The following CD302 variants were observed in gnomAD, a reference collection of about 807,000 sequenced individuals.
CD302 encodes CD302 molecule, also known as CD302 antigen.
Under a neutral mutation model 26.5 loss-of-function variants are expected in CD302, and 23 were observed. That is an observed-to-expected ratio of 0.87 (90% confidence interval 0.62 to 1.23). The LOEUF (loss-of-function observed/expected upper bound fraction) is 1.23. Among genes scored for constraint, CD302 ranks in the 50% most tolerant of loss-of-function variants. CD302 has a pLI of 0.00. For missense variants in CD302, 290 were observed against 275.5 expected (o/e 1.05, Z -0.37); for synonymous variants, 90 against 99.4 (o/e 0.91, Z 0.56).
rs770475540 is a variant in CD302, at chr2:159,783,492, CTG to C, written c.68-25_68-24del. On this transcript the variant is annotated intron_variant, in intron 1 of 5. Coordinates refer to ENST00000259053, the MANE Select transcript of CD302 (RefSeq NM_014880.5). The stretch of plus-strand genomic sequence containing the variant: ...AGTCTATGTAGAAAAAAGAAGAACA[CTG>C]TTAAATAACTTGAGAAAAAGAATTA... 9.4e-5 allele frequency: 144 copies of C among 1,539,876 alleles called. 1 individual carries two copies. The South Asian group carries it at 1.7e-3, about 18-fold the overall frequency.
Position 159,783,445 on chromosome 2 carries a change from T to C in CD302, c.92A>G (p.Gln31Arg). 1 of 1,609,940 alleles carries C rather than the reference T, an allele frequency of 6.2e-7. No homozygotes were observed. The highest frequency in any genetic ancestry group is 8.5e-7 in the Non-Finnish European group (1 of 1,178,962). The change falls in exon 2 of 6, where the codon CAG becomes CGG. Residue 31 changes from glutamine to arginine, a missense_variant. By Grantham distance (43) the Gln-to-Arg change is conservative (BLOSUM62 1). Transcript: ENST00000259053. ...AAAAATGTAACAACTGTCTTGGAAC[T>C]GAATCCAAGTAGATGAAGGACAGTC... is the stretch of plus-strand genomic sequence containing the variant. ...VADCPSSTWIQFQDSCYIFLQ... is the reference protein window; with the variant it reads ...VADCPSSTWIRFQDSCYIFLQ...
At chr2:159,786,377 A>G (rs920521507) in intron 1 of CD302, among the ~76,000 whole-genome samples, 1 of 136,704 alleles carries the variant, frequency 7.3e-6, no homozygotes, top group Non-Finnish European at 1.5e-5. Context: ...TCTGTCGCCC[A>G]GGCTGGAGGG....
chr2:159,786,709 A>C (rs1353989270), intron 1 of CD302, among the ~76,000 whole-genome samples: 1 of 152,188 alleles, frequency 6.6e-6, no homozygotes, highest in Admixed American at 6.5e-5. Context: ...ACACTTTTTA[A>C]AAACTAAACT....
intron 5 of CD302, among the ~76,000 whole-genome samples, chr2:159,776,610 A>G (rs1208937791): frequency 6.6e-6 from 1 of 152,082 alleles, no homozygotes; most frequent in Non-Finnish European, 1.5e-5. Context: ...CTGTATACAC[A>G]CAAACCCAAC....
intron 1 of CD302, among the ~76,000 whole-genome samples, chr2:159,792,489 TCA>T (rs1420282244): frequency 6.9e-6 from 1 of 144,608 alleles, no homozygotes. Flanking sequence ...GGGAAAGAAG[TCA>T]CATGGATATT....
intron 1 of CD302, among the ~76,000 whole-genome samples, chr2:159,788,851 T>C (rs1708734419): frequency 6.6e-6 from 1 of 152,216 alleles, no homozygotes; most frequent in South Asian, 2.1e-4. Flanking sequence ...CCATTCTCTC[T>C]CTCTTCCCTT....
chr2:159,780,635 A>G (rs913078693), intron 3 of CD302, among the ~76,000 whole-genome samples: 1 of 152,194 alleles, frequency 6.6e-6, no homozygotes, highest in Non-Finnish European at 1.5e-5. Context: ...ATCATGCTAT[A>G]TTACAAAAAT....
chr2:159,795,050 C>G (rs1049511036), intron 1 of CD302, among the ~76,000 whole-genome samples: 44 of 150,790 alleles, frequency 2.9e-4, no homozygotes, highest in Non-Finnish European at 5.6e-4. Context: ...TGGTGAAACC[C>G]CATCTCTACT....
At position 159,771,957 on chromosome 2, in the gene CD302, TCAGAATGTTTTTTGTA is replaced by T; in HGVS notation, c.577_592del (p.Tyr193IlefsTer23). ...TGAAAAAACTGTGGTGAAACGAGAA[TCAGAATGTTTTTTGTA>T]CAGGAACCAAATGATTGCTCCCAAA... On this transcript the variant is annotated frameshift_variant, in exon 6 of 6. Coordinates refer to ENST00000259053, the MANE Select transcript of CD302 (RefSeq NM_014880.5). LOFTEE classifies it high-confidence loss of function. The T allele has an allele frequency of 6.2e-7, 1 of 1,613,980 alleles. No homozygotes were observed. The highest frequency in any genetic ancestry group is 1.1e-5 in the South Asian group (1 of 91,070).
intron 1 of CD302, among the ~76,000 whole-genome samples, chr2:159,795,183 A>ATT (rs1260780656): frequency 6.6e-6 from 1 of 151,268 alleles, no homozygotes; most frequent in Non-Finnish European, 1.5e-5. Flanking sequence ...AGATTGCGCC[A>ATT]CCGCACTCCA....
chr2:159,780,073 T>C lies in CD302; in HGVS notation c.401A>G (p.Lys134Arg). Residue 134 changes from lysine (K) to arginine (R), a missense_variant, in exon 4 of 6, where the codon AAG becomes AGG. Transcript: ENST00000259053. Reference sequence around the variant, plus strand: ...ATTTCCTTTTTTCCATTCACCTGTCTTGATGTGCAGAAAAGCACAGGTGTC... The same window carrying C: ...ATTTCCTTTTTTCCATTCACCTGTCCTGATGTGCAGAAAAGCACAGGTGTC... ...LVDTCAFLHI[K>R]TGEWKKGNCE... The C allele has an allele frequency of 6.2e-7, 1 of 1,614,196 alleles. No individual in the cohort carries two copies. The highest frequency in any genetic ancestry group is 8.5e-7 in the Non-Finnish European group (1 of 1,180,030).
At chr2:159,777,647 A>G (rs2125796990) in intron 5 of CD302, among the ~76,000 whole-genome samples, 1 of 152,336 alleles carries the variant, frequency 6.6e-6, no homozygotes, top group Admixed American at 6.5e-5. Context: ...ACAATATATG[A>G]TATATTTATA....
chr2:159,782,716 C>T (rs1049517586), intron 2 of CD302, among the ~76,000 whole-genome samples: 5 of 150,726 alleles, frequency 3.3e-5, no homozygotes, highest in East Asian at 1.9e-4. Context: ...CACAGCAAGA[C>T]CCTGTCTCAA....
In CD302 at chr2:159,780,961, A is replaced by C. The variant is rs1460035079; in HGVS notation, c.216T>G (p.Asn72Lys). The change falls in exon 3 of 6, where the codon AAT (asparagine) becomes AAG (lysine). Residue 72 changes from asparagine (N) to lysine (K), a missense_variant. Physicochemically the swap from Asn to Lys is moderately conservative, Grantham distance 94. Coordinates refer to ENST00000259053, the MANE Select transcript of CD302 (RefSeq NM_014880.5). Reference protein sequence around the residue: ...DMISIHNEEENAFILDTLKKQ... With the variant: ...DMISIHNEEEKAFILDTLKKQ... The stretch of plus-strand genomic sequence containing the variant: ...TTTTCAAAGTATCCAGTATAAAAGC[A>C]TTTTCTTCTTCATTATGTATGCTTA... The C allele has an allele frequency of 6.2e-7, 1 of 1,613,388 alleles. No homozygotes were observed. Among genetic ancestry groups the C allele is most frequent in the Admixed American group, 1.7e-5 (1 of 59,878 alleles).
Position 159,780,910 on chromosome 2 carries a change from G to T in CD302, c.267C>A (p.Ile89=), listed in dbSNP as rs1708486176. ...LKKQWKGPDD[I]LLGMFYDTDD... ...CTGTGTCATAAAACATGCCTAGTAGGATATCATCTGGGCCTTTCCATTGCT... is the reference window on the plus strand; with the variant it reads ...CTGTGTCATAAAACATGCCTAGTAGTATATCATCTGGGCCTTTCCATTGCT... Residue 89 remains isoleucine (I), a synonymous_variant, in exon 3 of 6, where the codon ATC becomes ATA. Transcript: ENST00000259053. The T allele has an allele frequency of 6.2e-7, 1 of 1,613,372 alleles. No individual in the cohort carries two copies. Among genetic ancestry groups the T allele is most frequent in the East Asian group, 2.2e-5 (1 of 44,830 alleles).
At chr2:159,785,882 G>A (rs1708652233) in intron 1 of CD302, among the ~76,000 whole-genome samples, 1 of 152,024 alleles carries the variant, frequency 6.6e-6, no homozygotes, top group Non-Finnish European at 1.5e-5. Context: ...GCAGGAACAC[G>A]GCTTTAACGT....
At chr2:159,790,377 GAAA>G (rs750802635) in intron 1 of CD302, among the ~76,000 whole-genome samples, 1 of 149,050 alleles carries the variant, frequency 6.7e-6, no homozygotes, top group Non-Finnish European at 1.5e-5. Context: ...AAAGGAAAAA[GAAA>G]AAAAAAATCC....
chr2:159,772,023 AT>A lies in CD302; in HGVS notation c.526del (p.Ile176LeufsTer5). The A allele has an allele frequency of 1.2e-6, 2 of 1,614,054 alleles. No homozygotes were observed. The highest frequency in any genetic ancestry group is 1.7e-6 in the Non-Finnish European group (2 of 1,179,926). ...AACTGTCAAAATTACCGTGCTAGCA[AT>A]CACCAATGCTGATATTAAAATGTGG... The part of the protein sequence containing the change: ...DNHILISALV[I>X]ASTVILTVLG... On this transcript the variant is annotated frameshift_variant, in exon 6 of 6. Coordinates refer to ENST00000259053, the MANE Select transcript of CD302 (RefSeq NM_014880.5). LOFTEE classifies it high-confidence loss of function.
intron 1 of CD302, among the ~76,000 whole-genome samples, chr2:159,789,170 ATT>A (rs55884912): frequency 2.7e-5 from 4 of 150,180 alleles, no homozygotes; most frequent in East Asian, 2.0e-4. Context: ...AATTTGTTTG[ATT>A]TTTTTTTTTG....
Sources: gnomAD v4.1 joint callset for allele counts (sites outside exome capture counted in the v4.1 genomes callset) on GRCh38, gnomAD v4.1.1 for gene constraint, MANE v1.5 for transcripts, NCBI Gene and HGNC (gene_info 2026-07-23, HGNC 2026-07-21) for gene names.